CORO1C: variants seen among roughly 807,000 people sequenced by gnomAD.
CORO1C encodes the protein coronin-1C.
In CORO1C, 14 loss-of-function variants were observed where a neutral mutation model predicts 51.2. The ratio of observed to expected loss-of-function variants is 0.27; its 90% CI spans 0.18 to 0.43. The LOEUF (loss-of-function observed/expected upper bound fraction) is 0.43, where lower values mean the gene tolerates loss of function less well. CORO1C is among the 20% of genes least tolerant of loss of function. The pLI is 1.00. For missense variants in CORO1C, 417 were observed against 607.8 expected (o/e 0.69, Z 3.30); for synonymous variants, 181 against 210.5 (o/e 0.86, Z 1.21).
intron 1 of CORO1C, among the ~76,000 whole-genome samples, chr12:108,704,398 G>C (rs1314628564): frequency 6.6e-6 from 1 of 151,816 alleles, no homozygotes; most frequent in Non-Finnish European, 1.5e-5. Flanking sequence ...CTTGAACCTG[G>C]TAGGCGGAGG....
intron 2 of CORO1C, among the ~76,000 whole-genome samples, chr12:108,682,816 G>A (rs1452755341): frequency 2.0e-5 from 3 of 152,138 alleles, no homozygotes; most frequent in Non-Finnish European, 4.4e-5. Flanking sequence ...ATAGCAGGTA[G>A]AGCATCTTCT....
At chr12:108,703,133 C>T in intron 1 of CORO1C, 3 of 501,824 alleles carry the variant, frequency 6.0e-6, no homozygotes, top group Non-Finnish European at 1.0e-5. Context: ...GCTCCACTTC[C>T]CCACACAACC....
rs572353179 is a variant in CORO1C, at chr12:108,655,667, CT to C, written c.751-1258del. Reference sequence around the variant, plus strand: ...GAGGTGCCGGGATTGCAAACGGAGTCTCGTTCACTCAGTGCTCAATGTTGCC... The same window carrying C: ...GAGGTGCCGGGATTGCAAACGGAGTCCGTTCACTCAGTGCTCAATGTTGCC... On this transcript the variant is annotated intron_variant, in intron 6 of 10. Transcript: ENST00000261401. 6.3e-3 allele frequency among the ~76,000 whole-genome samples: 965 copies of C among 152,354 alleles called. 6 individuals are homozygous for C. Among genetic ancestry groups the C allele is most frequent in the Non-Finnish European group, 9.9e-3 (676 of 68,040 alleles).
chr12:108,655,834 G>A (rs921297202), intron 6 of CORO1C, among the ~76,000 whole-genome samples: 4 of 152,164 alleles, frequency 2.6e-5, no homozygotes, highest in Non-Finnish European at 4.4e-5. Context: ...TCTCTGCCTG[G>A]CCGCCCATCG....
At chr12:108,682,203 A>T (rs1330709374) in intron 2 of CORO1C, among the ~76,000 whole-genome samples, 1 of 152,122 alleles carries the variant, frequency 6.6e-6, no homozygotes, top group Non-Finnish European at 1.5e-5. Context: ...AAAAGCATGA[A>T]AACTAGAAAG....
At chr12:108,688,036 G>A (rs558175178) in intron 2 of CORO1C, among the ~76,000 whole-genome samples, 33 of 150,438 alleles carry the variant, frequency 2.2e-4, no homozygotes, top group Admixed American at 5.3e-4. Flanking sequence ...CGATTCTCCC[G>A]CCTCAGCCTC....
At chr12:108,679,302 T>C (rs1307253158) in intron 2 of CORO1C, among the ~76,000 whole-genome samples, 1 of 152,118 alleles carries the variant, frequency 6.6e-6, no homozygotes, top group African/African-American at 2.4e-5. Flanking sequence ...AACACCAACT[T>C]AGACCTCACC....
At chr12:108,666,442 G>A (rs1050261038) in intron 3 of CORO1C, among the ~76,000 whole-genome samples, 10 of 152,136 alleles carry the variant, frequency 6.6e-5, no homozygotes, top group Admixed American at 2.0e-4. Flanking sequence ...GGTTGGGGGC[G>A]GTCTGTAGGT....
At chr12:108,711,243 C>T (rs1053367197) in intron 1 of CORO1C, among the ~76,000 whole-genome samples, 1 of 151,462 alleles carries the variant, frequency 6.6e-6, no homozygotes, top group Non-Finnish European at 1.5e-5. Flanking sequence ...TGTAGTATAC[C>T]CCTGCGGTCC....
chr12:108,679,109 C>CAAAAAAAAAAA (rs1183326267), intron 2 of CORO1C, among the ~76,000 whole-genome samples: 1 of 22,156 alleles, frequency 4.5e-5, no homozygotes, highest in Non-Finnish European at 9.7e-5. Flanking sequence ...GACTCTGTCT[C>CAAAAAAAAAAA]AAAAAAAAAA....
chr12:108,701,123 C>T lies in CORO1C; in HGVS notation c.195+1G>A. On this transcript the variant is annotated splice_donor_variant, in intron 2 of 10. Transcript: ENST00000261401. LOFTEE classifies it high-confidence loss of function. The stretch of plus-strand genomic sequence containing the variant: ...CCAGAATGGAAGATCAAATTACCTA[C>T]CTTGTGCAGAGGGAGGACAAGGAAC... 6.2e-7 allele frequency: 1 copy of T among 1,614,124 alleles called. No individual in the cohort carries two copies. Among genetic ancestry groups the T allele is most frequent in the Non-Finnish European group, 8.5e-7 (1 of 1,179,990 alleles).
chr12:108,691,936 T>C (rs1001141236), intron 2 of CORO1C, among the ~76,000 whole-genome samples: 4 of 152,070 alleles, frequency 2.6e-5, no homozygotes, highest in African/African-American at 9.7e-5. Context: ...CATTGGGAAG[T>C]TCCTTCTGCC....
rs373205541 is a variant in CORO1C at position 108,681,719 on chromosome 12, T to C, written c.196-3325A>G. Among the ~76,000 whole-genome samples, 12 of 152,306 alleles carry C rather than the reference T, an allele frequency of 7.9e-5. No homozygotes were observed. The East Asian group carries it at 2.1e-3, about 27-fold the overall frequency. On this transcript the variant is annotated intron_variant, in intron 2 of 10. Transcript: ENST00000261401. ...TCAAAAAATTAAATTCTTAGATTTG[T>C]CTCAAAGAATTGCTATATTAATTTT...
At chr12:108,691,279 A>G (rs1174479903) in intron 2 of CORO1C, among the ~76,000 whole-genome samples, 1 of 152,130 alleles carries the variant, frequency 6.6e-6, no homozygotes, top group Non-Finnish European at 1.5e-5. Flanking sequence ...GACTCAACTC[A>G]GGTCCCACCC....
At chr12:108,705,685 A>G (rs1236183792) in intron 1 of CORO1C, among the ~76,000 whole-genome samples, 2 of 152,116 alleles carry the variant, frequency 1.3e-5, no homozygotes, top group East Asian at 3.9e-4. Context: ...TTACAGACCA[A>G]TATCTCTTAT....
At chr12:108,696,988 G>C (rs2034708862) in intron 2 of CORO1C, among the ~76,000 whole-genome samples, 1 of 152,198 alleles carries the variant, frequency 6.6e-6, no homozygotes, top group South Asian at 2.1e-4. Context: ...CTGCATATGT[G>C]TGTGTCTTTG....
chr12:108,702,820 G>A (rs1409812164), intron 1 of CORO1C: 1 of 1,531,912 alleles, frequency 6.5e-7, no homozygotes, highest in East Asian at 2.5e-5. Flanking sequence ...TGTGAAAGTG[G>A]CCTCTCTCCA....
chr12:108,657,978 G>A (rs1024750878), intron 5 of CORO1C, among the ~76,000 whole-genome samples: 1 of 152,206 alleles, frequency 6.6e-6, no homozygotes, highest in Non-Finnish European at 1.5e-5. Flanking sequence ...CTTGAAAAGA[G>A]ATGCAGCCAA....
chr12:108,659,211 A>G (rs539855137), intron 4 of CORO1C, among the ~76,000 whole-genome samples: 1 of 152,370 alleles, frequency 6.6e-6, no homozygotes, highest in Non-Finnish European at 1.5e-5. Context: ...TCAACCAAAC[A>G]AAAACAAAGA....
Sources: gnomAD v4.1 joint callset for allele counts (sites outside exome capture counted in the v4.1 genomes callset) on GRCh38, gnomAD v4.1.1 for gene constraint, MANE v1.5 for transcripts, NCBI Gene and HGNC (gene_info 2026-07-23, HGNC 2026-07-21) for gene names.